CEP44: variants seen among roughly 807,000 people sequenced by gnomAD.
CEP44 encodes centrosomal protein of 44 kDa.
A neutral mutation model predicts 46.7 loss-of-function variants in CEP44; 45 were observed. The observed-to-expected ratio is 0.96, with a 90% CI of 0.76 to 1.24. The LOEUF (loss-of-function observed/expected upper bound fraction) is 1.24. Among genes scored for constraint, CEP44 ranks in the 50% most tolerant of loss-of-function variants. CEP44 has a pLI of 0.00. For synonymous variants in CEP44, 142 were observed against 146.0 expected (o/e 0.97, Z 0.20); for missense variants, 475 against 459.7 (o/e 1.03, Z -0.30).
At chr4:174,323,342 A>G (rs1019780369), downstream of CEP44, among the ~76,000 whole-genome samples, 2 of 152,110 alleles carry the variant, frequency 1.3e-5, no homozygotes, top group South Asian at 4.1e-4. Context: ...TTATTGTGTT[A>G]TAATTTACAT....
intron 6 of CEP44, among the ~76,000 whole-genome samples, chr4:174,304,722 T>C (rs1740182984): frequency 6.6e-6 from 1 of 152,222 alleles, no homozygotes; most frequent in African/African-American, 2.4e-5. Flanking sequence ...AGAGCCTACA[T>C]TAGCAGTAGT....
intron 1 of CEP44, chr4:174,284,185 A>T (rs952417132): frequency 4.3e-5 from 17 of 397,550 alleles, no homozygotes; most frequent in African/African-American, 3.5e-4. Flanking sequence ...TATTGGGCGG[A>T]GGTCGCCTCT....
chr4:174,320,575 C>G (rs553534085), downstream of CEP44, among the ~76,000 whole-genome samples: 3 of 26,218 alleles, frequency 1.1e-4, no homozygotes, highest in African/African-American at 4.1e-4. Context: ...AAAGAGTGAA[C>G]AGAATATAGC....
Position 174,301,576 on chromosome 4 carries a change from C to G in CEP44, c.90-463C>G, listed in dbSNP as rs541545305. Among the ~76,000 whole-genome samples the G allele has an allele frequency of 7.9e-5, 12 of 152,284 alleles. No individual in the cohort carries two copies. Among genetic ancestry groups the G allele is most frequent in the African/African-American group, 2.4e-4 (10 of 41,580 alleles). On this transcript the variant is annotated intron_variant, in intron 3 of 11. Transcript: ENST00000503780. This position sits in a 1 kb window ranked among gnomAD's most constrained non-coding sequence, Gnocchi z 4.3. ...TAGACTGGTCAACCAAGTCACAGTTCATGCTTTTTCCCATCCCATCTTCCT... is the reference window on the plus strand; with the variant it reads ...TAGACTGGTCAACCAAGTCACAGTTGATGCTTTTTCCCATCCCATCTTCCT...
Position 174,316,587 on chromosome 4 carries a change from A to G in CEP44, c.1124+20A>G. 6.3e-7 allele frequency: 1 copy of G among 1,580,286 alleles called. No individual in the cohort carries two copies. Among genetic ancestry groups the G allele is most frequent in the Non-Finnish European group, 8.6e-7 (1 of 1,158,192 alleles). On this transcript the variant is annotated intron_variant, in intron 11 of 11. Coordinates refer to ENST00000503780, the MANE Select transcript of CEP44 (RefSeq NM_001040157.3). ...AAAAATGTAAGTAACAGAAAGGGGC[A>G]ACAGAAATTCATTTCTCTATAGGGA... is the stretch of plus-strand genomic sequence containing the variant.
At chr4:174,330,567 A>G (rs1239377518) in intron 8 of CEP44, among the ~76,000 whole-genome samples, 1 of 152,190 alleles carries the variant, frequency 6.6e-6, no homozygotes, top group Non-Finnish European at 1.5e-5. Flanking sequence ...CCATATCATT[A>G]AATATATTTT....
chr4:174,308,628 AAAAT>A (rs777193784), intron 6 of CEP44, 57 bp from the exon 7 acceptor site: 13 of 1,523,664 alleles, frequency 8.5e-6, no homozygotes, highest in Non-Finnish European at 1.2e-5. Context: ...TAAAAGTTAA[AAAAT>A]AAATAATTGT....
rs375288124 is a variant in CEP44 at position 174,299,173 on chromosome 4, C to T, written c.52C>T (p.Arg18Cys). The T allele has an allele frequency of 1.9e-5, 31 of 1,613,492 alleles. No homozygotes were observed. The highest frequency in any genetic ancestry group is 3.3e-5 in the South Asian group (3 of 91,058). Residue 18 changes from arginine (R) to cysteine (C), a missense_variant, in exon 3 of 12, where the codon CGC becomes TGC. Transcript: ENST00000503780. Reference sequence around the variant, plus strand: ...CTTACGGAACCTAGAACAGGTGCTCCGCTTGCTAAATTATCCTGAAGAGGT... The same window carrying T: ...CTTACGGAACCTAGAACAGGTGCTCTGCTTGCTAAATTATCCTGAAGAGGT... ...RSLRNLEQVL[R>C]LLNYPEEVDC...
At position 174,310,359 on chromosome 4, in the gene CEP44, A is replaced by G. The variant is rs1357402170; in HGVS notation, c.885+303A>G. Among the ~76,000 whole-genome samples the G allele has an allele frequency of 1.3e-5, 2 of 152,020 alleles. No individual in the cohort carries two copies. The highest frequency in any genetic ancestry group is 3.2e-3 in the Middle Eastern group (1 of 316). ...GATATGAAAAGCTTAAAATTATTTT[A>G]TATCTTTTAATAGTACAAATAACCT... is the stretch of plus-strand genomic sequence containing the variant. On this transcript the variant is annotated intron_variant, in intron 8 of 11. Transcript: ENST00000503780. This position sits in a 1 kb window ranked among gnomAD's most constrained non-coding sequence, Gnocchi z 4.2.
At position 174,301,307 on chromosome 4, in the gene CEP44, A is replaced by G. The variant is rs1579103229; in HGVS notation, c.90-732A>G. Among the ~76,000 whole-genome samples the G allele has an allele frequency of 6.6e-6, 1 of 152,218 alleles. No individual in the cohort carries two copies. The highest frequency in any genetic ancestry group is 1.5e-5 in the Non-Finnish European group (1 of 68,016). On this transcript the variant is annotated intron_variant, in intron 3 of 11. Coordinates refer to ENST00000503780, the MANE Select transcript of CEP44 (RefSeq NM_001040157.3). This position sits in a 1 kb window ranked among gnomAD's most constrained non-coding sequence, Gnocchi z 4.3. ...GTACTTCACATTGAGAAAATAAGAC[A>G]GGAAACACTACCAGACAGATAAAGA...
chr4:174,332,350 A>G lies in CEP44; in HGVS notation c.*755A>G, dbSNP rs968855161. The G allele has an allele frequency of 4.6e-5, 7 of 152,340 alleles. No individual in the cohort carries two copies. In the South Asian group the frequency reaches 8.3e-4, roughly 18 times the overall value. 9.4% of individuals were successfully genotyped at this position (152,340 alleles called of 1,614,324 possible). ...GTGGCAATGGAAAGAAGGGAAAATA[A>G]TGGGGATAGCATTTGCTCATTCTCT... On this transcript the variant is annotated 3_prime_UTR_variant, in exon 9 of 9. Coordinates refer to the CEP44 transcript ENST00000426172.
Position 174,320,208 on chromosome 4 carries a change from C to T in CEP44, c.*2825C>T, listed in dbSNP as rs1314993475. 1 of 984,954 alleles carries T rather than the reference C, an allele frequency of 1.0e-6. No individual in the cohort carries two copies. Among genetic ancestry groups the T allele is most frequent in the Non-Finnish European group, 1.2e-6 (1 of 829,796 alleles). 61.0% of individuals were successfully genotyped at this position (984,954 alleles called of 1,614,324 possible). A position where few individuals can be genotyped will look rare whatever the true frequency, so the allele number is the denominator to read the frequency against. ...AGTTAGCATCAACTGTATGAAAATTCTAGGTAAAGCTAAGTACTATTGAGT... is the reference window on the plus strand; with the variant it reads ...AGTTAGCATCAACTGTATGAAAATTTTAGGTAAAGCTAAGTACTATTGAGT... On this transcript the variant is annotated 3_prime_UTR_variant, in exon 12 of 12. Coordinates refer to ENST00000503780, the MANE Select transcript of CEP44 (RefSeq NM_001040157.3).
At chr4:174,296,269 G>C (rs1301934489) in intron 1 of CEP44, among the ~76,000 whole-genome samples, 2 of 152,126 alleles carry the variant, frequency 1.3e-5, no homozygotes, top group African/African-American at 2.4e-5. Context: ...CTTGGTGTGA[G>C]TTTTGTTTCA....
intron 1 of CEP44, among the ~76,000 whole-genome samples, chr4:174,291,673 G>A (rs555553783): frequency 6.6e-6 from 1 of 151,648 alleles, no homozygotes; most frequent in South Asian, 2.1e-4. Flanking sequence ...CAGTTAACTT[G>A]AAGATCTCCT....
downstream of CEP44, among the ~76,000 whole-genome samples, chr4:174,323,305 T>TC (rs902454203): frequency 6.6e-6 from 1 of 151,962 alleles, no homozygotes; most frequent in Non-Finnish European, 1.5e-5. Flanking sequence ...TGAGAGGTTT[T>TC]CCCCCCTCAT....
chr4:174,292,983 G>A (rs1182184158), intron 1 of CEP44, among the ~76,000 whole-genome samples: 1 of 152,156 alleles, frequency 6.6e-6, no homozygotes, highest in East Asian at 1.9e-4. Context: ...ATTTGAAGGA[G>A]CAGTTCCCAC....
At position 174,310,884 on chromosome 4, in the gene CEP44, T is replaced by G. The variant is rs1402847610; in HGVS notation, c.961+26T>G. 4.9e-6 allele frequency: 5 copies of G among 1,023,882 alleles called. No individual in the cohort carries two copies. The highest frequency in any genetic ancestry group is 5.9e-6 in the Non-Finnish European group (4 of 677,350). 63.4% of individuals were successfully genotyped at this position (1,023,882 alleles called of 1,614,324 possible). A position where few individuals can be genotyped will look rare whatever the true frequency, so the allele number is the denominator to read the frequency against. ...GTAAGTTTGTAAATACTATGAGAAT[T>G]GGTATGATGAGTTTTCAGAAAAATG... On this transcript the variant is annotated intron_variant, in intron 9 of 11. Coordinates refer to ENST00000503780, the MANE Select transcript of CEP44 (RefSeq NM_001040157.3). This position sits in a 1 kb window ranked among gnomAD's most constrained non-coding sequence, Gnocchi z 4.2.
chr4:174,294,564 C>T lies in CEP44; in HGVS notation c.-147-3402C>T, dbSNP rs1391682842. Among the ~76,000 whole-genome samples, 6 of 151,978 alleles carry T rather than the reference C, an allele frequency of 3.9e-5. No individual in the cohort carries two copies. In the South Asian group the frequency reaches 1.2e-3, roughly 32 times the overall value. ...GTTCTCAATGAGCTGTTGGGTACAC[C>T]TCCCAGACGGGGTGGTGGCTGGGCA... On this transcript the variant is annotated intron_variant, in intron 1 of 11. Coordinates refer to ENST00000503780, the MANE Select transcript of CEP44 (RefSeq NM_001040157.3).
At chr4:174,305,584 A>C (rs1026036307) in intron 6 of CEP44, among the ~76,000 whole-genome samples, 2 of 152,242 alleles carry the variant, frequency 1.3e-5, no homozygotes. Context: ...AATGATACAA[A>C]GCCGCCATTT....
Sources: gnomAD v4.1 joint callset for allele counts (sites outside exome capture counted in the v4.1 genomes callset) on GRCh38, gnomAD v4.1.1 for gene constraint, Gnocchi (gnomAD v3.1) non-coding constraint, MANE v1.5 for transcripts, NCBI Gene and HGNC (gene_info 2026-07-23, HGNC 2026-07-21) for gene names.